The following MAGI2 variants were observed in gnomAD, a reference collection of about 807,000 sequenced individuals.
The protein encoded by MAGI2 is membrane-associated guanylate kinase, WW and PDZ domain-containing protein 2.
Under a neutral mutation model 133.3 loss-of-function variants are expected in MAGI2, and 35 were observed. The observed-to-expected ratio is 0.26, with a 90% CI of 0.20 to 0.35. The LOEUF is 0.35. MAGI2 is among the 10% of genes least tolerant of loss of function. The pLI is 1.00. For synonymous variants in MAGI2, 729 were observed against 710.6 expected, an observed-to-expected ratio of 1.03 and a Z score of -0.41; for missense variants, 1,636 against 1,863.4, an observed-to-expected ratio of 0.88 and a Z score of 2.25.
At chr7:78,551,087 T>C (rs1799296903) in intron 3 of MAGI2, among the ~76,000 whole-genome samples, 2 of 152,238 alleles carry the variant, frequency 1.3e-5, no homozygotes, top group Non-Finnish European at 2.9e-5. Context: ...GATGCTCACC[T>C]ATCTTAACTT....
At chr7:78,522,279 C>T (rs1796570558) in intron 3 of MAGI2, among the ~76,000 whole-genome samples, 1 of 152,172 alleles carries the variant, frequency 6.6e-6, no homozygotes, top group South Asian at 2.1e-4. Context: ...TTTCACCCAA[C>T]CATCTGCAGC....
intron 10 of MAGI2, among the ~76,000 whole-genome samples, chr7:78,222,041 T>C (rs1014883238): frequency 1.3e-5 from 2 of 151,972 alleles, no homozygotes; most frequent in African/African-American, 4.8e-5. Flanking sequence ...CAGAGCAAGA[T>C]CTTGTCTCTT....
intron 2 of MAGI2, among the ~76,000 whole-genome samples, chr7:78,653,654 G>A (rs1399736836): frequency 6.6e-6 from 1 of 151,964 alleles, no homozygotes; most frequent in African/African-American, 2.4e-5. Flanking sequence ...GGCTAGGGGA[G>A]GGATAGCATT....
chr7:78,619,158 C>T (rs1159566226), intron 3 of MAGI2, among the ~76,000 whole-genome samples: 2 of 151,268 alleles, frequency 1.3e-5, no homozygotes, highest in African/African-American at 4.9e-5. Flanking sequence ...TAAATATACG[C>T]AATTATTATG....
intron 7 of MAGI2, among the ~76,000 whole-genome samples, chr7:78,364,806 A>G (rs1361532559): frequency 6.6e-6 from 1 of 152,216 alleles, no homozygotes; most frequent in Non-Finnish European, 1.5e-5. Context: ...TCAACTCTCC[A>G]TTTTGCATAT....
At chr7:78,319,626 C>T (rs190254746) in intron 9 of MAGI2, among the ~76,000 whole-genome samples, 3 of 152,292 alleles carry the variant, frequency 2.0e-5, no homozygotes, top group Admixed American at 2.0e-4. Flanking sequence ...ACATTTAAAG[C>T]AGTGTGTAGA....
rs1585840184 is a variant in MAGI2, at chr7:79,399,079, C to CTTTTCTT, written c.301+53940_301+53941insAAGAAAA. ...CATCTTCAATTCACTAGTATTATTT[C>CTTTTCTT]TTTTTTTTTTCTTTTCTTTTTTTTT... On this transcript the variant is annotated intron_variant, in intron 1 of 21. Coordinates refer to ENST00000354212, the MANE Select transcript of MAGI2 (RefSeq NM_012301.4). Among the ~76,000 whole-genome samples the CTTTTCTT allele has an allele frequency of 2.0e-4, 23 of 114,644 alleles. 1 individual carries two copies. The highest frequency in any genetic ancestry group is 8.8e-4 in the East Asian group (3 of 3,412). 75.2% of individuals were successfully genotyped at this position (114,644 alleles called of 152,430 possible).
intron 2 of MAGI2, among the ~76,000 whole-genome samples, chr7:78,724,257 C>T (rs1820545390): frequency 6.6e-6 from 1 of 152,094 alleles, no homozygotes; most frequent in South Asian, 2.1e-4. Context: ...CCTCTCTAGG[C>T]CACTAGCATA....
At chr7:78,298,812 T>G (rs1395547096) in intron 9 of MAGI2, among the ~76,000 whole-genome samples, 1 of 41,438 alleles carries the variant, frequency 2.4e-5, no homozygotes, top group East Asian at 6.3e-4. Flanking sequence ...GCCTAAACGT[T>G]TTTTTTTTTT....
intron 2 of MAGI2, among the ~76,000 whole-genome samples, chr7:78,925,550 T>A (rs1799630248): frequency 6.6e-6 from 1 of 152,022 alleles, no homozygotes; most frequent in Non-Finnish European, 1.5e-5. Context: ...CAAAACCATA[T>A]GCATGCTAAG....
rs968777657 is a variant in MAGI2, at chr7:78,353,442, G to A, written c.1104-7399C>T. 2.0e-5 allele frequency among the ~76,000 whole-genome samples: 3 copies of A among 152,292 alleles called. No individual in the cohort carries two copies. In the East Asian group the frequency reaches 5.8e-4, roughly 29 times the overall value. On this transcript the variant is annotated intron_variant, in intron 7 of 21. Coordinates refer to ENST00000354212, the MANE Select transcript of MAGI2 (RefSeq NM_012301.4). ...GTTGGATGACCAACCATTTCAGTTT[G>A]CCTGGGACTAAGGAGTTTCCTGGGA...
chr7:78,383,461 T>C (rs553663495), intron 6 of MAGI2, among the ~76,000 whole-genome samples: 1 of 152,268 alleles, frequency 6.6e-6, no homozygotes, highest in African/African-American at 2.4e-5. Flanking sequence ...ATGGGATTAG[T>C]TGTTTTTTCC....
intron 3 of MAGI2, among the ~76,000 whole-genome samples, chr7:78,572,064 C>T (rs1339275866): frequency 6.6e-6 from 1 of 152,014 alleles, no homozygotes; most frequent in Non-Finnish European, 1.5e-5. Flanking sequence ...CAAATGGTTT[C>T]TAATACAACA....
rs574115180 is a variant in MAGI2, at chr7:78,390,490, C to T, written c.1046-21277G>A. On this transcript the variant is annotated intron_variant, in intron 6 of 21. Transcript: ENST00000354212. ...CATTTTTCTGTGTAAAGGGGTCCAT[C>T]GTATAGTTCTCTGAAGGCACACATG... Among the ~76,000 whole-genome samples the T allele has an allele frequency of 7.2e-5, 11 of 152,168 alleles. No individual in the cohort carries two copies. In the South Asian group the frequency reaches 2.3e-3, roughly 32 times the overall value.
intron 1 of MAGI2, among the ~76,000 whole-genome samples, chr7:79,136,714 A>G (rs183550597): frequency 2.8e-4 from 43 of 152,352 alleles, no homozygotes; most frequent in African/African-American, 1.0e-3. Context: ...ATTTTGTTAT[A>G]TAAGGCTACT....
chr7:78,802,317 T>C (rs1258467955), intron 2 of MAGI2, among the ~76,000 whole-genome samples: 1 of 152,214 alleles, frequency 6.6e-6, no homozygotes, highest in Non-Finnish European at 1.5e-5. Flanking sequence ...TAAATTTAAC[T>C]GTAATCTCCT....
intron 9 of MAGI2, among the ~76,000 whole-genome samples, chr7:78,312,650 G>A (rs1798808004): frequency 6.6e-6 from 1 of 152,118 alleles, no homozygotes; most frequent in African/African-American, 2.4e-5. Context: ...GCAAATGTTG[G>A]TGAAGACATG....
At chr7:78,326,534 G>A (rs527743714) in intron 9 of MAGI2, among the ~76,000 whole-genome samples, 28 of 152,278 alleles carry the variant, frequency 1.8e-4, no homozygotes, top group African/African-American at 6.7e-4. Flanking sequence ...GATGCCTGAT[G>A]CATGGTGGGT....
At chr7:78,649,463 T>C (rs772329810) in intron 2 of MAGI2, among the ~76,000 whole-genome samples, 5 of 152,072 alleles carry the variant, frequency 3.3e-5, no homozygotes, top group Admixed American at 6.6e-5. Flanking sequence ...AGGCTGAGTT[T>C]GGCATGTGGA....
Sources: gnomAD v4.1 joint callset for allele counts (sites outside exome capture counted in the v4.1 genomes callset) on GRCh38, gnomAD v4.1.1 for gene constraint, MANE v1.5 for transcripts, NCBI Gene and HGNC (gene_info 2026-07-23, HGNC 2026-07-21) for gene names.